RNGTT: variants seen among roughly 807,000 people sequenced by gnomAD.
The protein encoded by RNGTT is RNA guanylyltransferase and 5'-phosphatase.
RNGTT carries 33 observed loss-of-function variants against 79.3 expected under a neutral mutation model. The observed-to-expected ratio is 0.42, with a 90% CI of 0.32 to 0.56. RNGTT has a LOEUF of 0.56. Among genes scored for constraint, RNGTT ranks in the 20% least tolerant of loss-of-function variants. The pLI, the probability that RNGTT is intolerant of heterozygous loss-of-function variation, is 0.17. For missense variants in RNGTT, 497 were observed against 739.1 expected, an observed-to-expected ratio of 0.67 and a Z score of 3.80; for synonymous variants, 222 against 235.9, an observed-to-expected ratio of 0.94 and a Z score of 0.54.
At chr6:88,926,895 T>C (rs1784336290) in intron 4 of RNGTT, among the ~76,000 whole-genome samples, 1 of 152,246 alleles carries the variant, frequency 6.6e-6, no homozygotes, top group African/African-American at 2.4e-5. Context: ...AATGGGACTA[T>C]TTTCTGATTA....
chr6:88,655,601 C>G (rs1005064071), intron 14 of RNGTT, among the ~76,000 whole-genome samples: 2 of 151,832 alleles, frequency 1.3e-5, no homozygotes, highest in Non-Finnish European at 2.9e-5. Context: ...TGAAAAATAA[C>G]TGCCTTAAAA....
At chr6:88,917,432 T>C (rs62429032) in intron 4 of RNGTT, among the ~76,000 whole-genome samples, 1,984 of 152,202 alleles carry the variant, frequency 0.013, 18 homozygotes, top group Non-Finnish European at 0.019. Context: ...TCAGAATGGC[T>C]AGAATATGAG....
At chr6:88,743,966 TAAA>T (rs1374288579) in intron 13 of RNGTT, among the ~76,000 whole-genome samples, 4 of 152,200 alleles carry the variant, frequency 2.6e-5, no homozygotes, top group African/African-American at 9.7e-5. Context: ...ATTGAAATGA[TAAA>T]TAAAAATGGC....
At chr6:88,749,176 A>G (rs772210306) in intron 13 of RNGTT, among the ~76,000 whole-genome samples, 18 of 152,190 alleles carry the variant, frequency 1.2e-4, no homozygotes, top group Non-Finnish European at 2.5e-4. Context: ...GCCAAAAGAA[A>G]TGTTAAAGAA....
intron 14 of RNGTT, among the ~76,000 whole-genome samples, chr6:88,625,491 A>G (rs1403570631): frequency 6.6e-6 from 1 of 152,044 alleles, no homozygotes; most frequent in Admixed American, 6.6e-5. Flanking sequence ...AAAGCTATAG[A>G]GTATGTGATT....
chr6:88,642,623 GGGTTGGAAA>G (rs1582268661), intron 14 of RNGTT, among the ~76,000 whole-genome samples: 1 of 152,060 alleles, frequency 6.6e-6, no homozygotes, highest in East Asian at 1.9e-4. Flanking sequence ...AAAAAGGGTG[GGGTTGGAAA>G]GGCAGAAAAA....
At chr6:88,691,936 C>T (rs75173622) in intron 13 of RNGTT, among the ~76,000 whole-genome samples, 5,003 of 152,176 alleles carry the variant, frequency 0.033, 125 homozygotes, top group South Asian at 0.11. Context: ...AGTCATTCAT[C>T]CCTTTCTTAG....
intron 14 of RNGTT, among the ~76,000 whole-genome samples, chr6:88,652,817 T>C (rs542411315): frequency 3.3e-5 from 5 of 152,298 alleles, no homozygotes; most frequent in Admixed American, 3.3e-4. Flanking sequence ...AAATGGGTCT[T>C]TACTGTTGTG....
intron 14 of RNGTT, among the ~76,000 whole-genome samples, chr6:88,645,771 C>T (rs1173568328): frequency 3.3e-5 from 5 of 152,222 alleles, no homozygotes; most frequent in African/African-American, 9.6e-5. Context: ...CCCTATTTAA[C>T]AAATGGTGCT....
chr6:88,752,832 G>A (rs1777883401), intron 13 of RNGTT, among the ~76,000 whole-genome samples: 1 of 152,038 alleles, frequency 6.6e-6, no homozygotes, highest in Non-Finnish European at 1.5e-5. Context: ...CATATTGCAT[G>A]CCTGTATCAA....
rs191486905 is a variant in RNGTT at position 88,728,681 on chromosome 6, G to A, written c.1439+41093C>T. Among the ~76,000 whole-genome samples the A allele has an allele frequency of 2.0e-5, 3 of 152,188 alleles. No homozygotes were observed. The East Asian group carries it at 5.8e-4, about 29-fold the overall frequency. On this transcript the variant is annotated intron_variant, in intron 13 of 15. Coordinates refer to ENST00000369485, the MANE Select transcript of RNGTT (RefSeq NM_003800.5). ...TATGATATGGGGGCTGAGGTTTCAGGGACAGACCCTATTAGATTCTTTGAA... is the reference window on the plus strand; with the variant it reads ...TATGATATGGGGGCTGAGGTTTCAGAGACAGACCCTATTAGATTCTTTGAA...
At chr6:88,768,546 C>A (rs1778543864) in intron 13 of RNGTT, among the ~76,000 whole-genome samples, 1 of 152,140 alleles carries the variant, frequency 6.6e-6, no homozygotes, top group South Asian at 2.1e-4. Context: ...ATATTTTAAT[C>A]TTTTGGAGTC....
intron 4 of RNGTT, among the ~76,000 whole-genome samples, chr6:88,911,590 CA>C (rs1783831609): frequency 6.6e-6 from 1 of 151,906 alleles, no homozygotes; most frequent in Non-Finnish European, 1.5e-5. Flanking sequence ...AAATCAATAC[CA>C]AGATAAACAC....
chr6:88,780,760 A>AGT (rs1779036342), intron 12 of RNGTT, among the ~76,000 whole-genome samples: 1 of 152,240 alleles, frequency 6.6e-6, no homozygotes, highest in African/African-American at 2.4e-5. Flanking sequence ...TGCTTAAGAA[A>AGT]GTGTTGACCA....
At chr6:88,807,769 A>G (rs1354321071) in intron 11 of RNGTT, among the ~76,000 whole-genome samples, 1 of 152,174 alleles carries the variant, frequency 6.6e-6, no homozygotes, top group African/African-American at 2.4e-5. Flanking sequence ...AAACAAAAAA[A>G]AAAATGTAGG....
At chr6:88,923,915 C>A (rs1784239311) in intron 4 of RNGTT, among the ~76,000 whole-genome samples, 1 of 152,200 alleles carries the variant, frequency 6.6e-6, no homozygotes. Flanking sequence ...ACAAACAGGT[C>A]ATTCTGTCAC....
At chr6:88,675,497 A>G (rs1056106083) in intron 14 of RNGTT, among the ~76,000 whole-genome samples, 1 of 152,150 alleles carries the variant, frequency 6.6e-6, no homozygotes, top group Non-Finnish European at 1.5e-5. Context: ...TTCAAGACCA[A>G]CCTGGCCAAC....
chr6:88,843,303 A>G (rs6939202), intron 11 of RNGTT, among the ~76,000 whole-genome samples: 12,598 of 152,016 alleles, frequency 0.083, 791 homozygotes, highest in Non-Finnish European at 0.12. Context: ...AGAAATATCC[A>G]CCCATATAAA....
At chr6:88,628,269 A>C (rs1772712141) in intron 14 of RNGTT, among the ~76,000 whole-genome samples, 1 of 152,150 alleles carries the variant, frequency 6.6e-6, no homozygotes, top group Non-Finnish European at 1.5e-5. Flanking sequence ...CAAGTATCAC[A>C]TTCCCTAAAT....
Sources: gnomAD v4.1 joint callset for allele counts (sites outside exome capture counted in the v4.1 genomes callset) on GRCh38, gnomAD v4.1.1 for gene constraint, MANE v1.5 for transcripts, NCBI Gene and HGNC (gene_info 2026-07-23, HGNC 2026-07-21) for gene names.